ADGRV1: variants seen among roughly 807,000 people sequenced by gnomAD.
The protein encoded by ADGRV1 is adhesion G protein-coupled receptor V1, also known as G-protein coupled receptor 98.
ADGRV1 carries 359 observed loss-of-function variants against 596.2 expected under a neutral mutation model. The observed-to-expected ratio is 0.60, with a 90% CI of 0.55 to 0.66. The LOEUF (loss-of-function observed/expected upper bound fraction) is 0.66. ADGRV1 is among the 30% of genes least tolerant of loss of function. The pLI is 0.00. For synonymous variants in ADGRV1, 2,681 were observed against 2,679.2 expected, an observed-to-expected ratio of 1.00 and a Z score of -0.02; for missense variants, 7,274 against 7,575.6, an observed-to-expected ratio of 0.96 and a Z score of 1.48.
chr5:90,772,995 C>A (rs1488921325), intron 59 of ADGRV1, among the ~76,000 whole-genome samples: 6 of 152,032 alleles, frequency 3.9e-5, no homozygotes, highest in Non-Finnish European at 5.9e-5. Flanking sequence ...TGGCAAACCC[C>A]CGTCTCTACT....
intron 13 of ADGRV1, 102 bp from the exon 14 acceptor site, chr5:90,643,701 T>A: frequency 1.2e-6 from 1 of 866,532 alleles, no homozygotes; most frequent in Non-Finnish European, 1.7e-6. Flanking sequence ...GTTATATGCT[T>A]CTGAAACTTT....
intron 77 of ADGRV1, among the ~76,000 whole-genome samples, chr5:90,839,032 T>G (rs931568350): frequency 6.6e-6 from 1 of 152,180 alleles, no homozygotes; most frequent in African/African-American, 2.4e-5. Context: ...AAAACCTCCA[T>G]GCTCATTCCC....
Position 90,683,747 on chromosome 5 carries a change from A to G in ADGRV1, c.5826A>G (p.Glu1942=). ...TVEILPDEDP[E]LDKAFSVSVL... is the part of the protein sequence containing the mutation. Reference sequence around the variant, plus strand: ...AGATATTGCCTGACGAAGACCCAGAACTGGATAAGGCATTCTCTGTGTCAG... The same window carrying G: ...AGATATTGCCTGACGAAGACCCAGAGCTGGATAAGGCATTCTCTGTGTCAG... The change falls in exon 28 of 90, where the codon GAA becomes GAG. Residue 1942 remains glutamate (E), a synonymous_variant. Coordinates refer to ENST00000405460, the MANE Select transcript of ADGRV1 (RefSeq NM_032119.4). 1 of 1,613,850 alleles carries G rather than the reference A, an allele frequency of 6.2e-7. No homozygotes were observed. Among genetic ancestry groups the G allele is most frequent in the East Asian group, 2.2e-5 (1 of 44,846 alleles).
At chr5:91,144,949 G>C (rs1795407905) in intron 87 of ADGRV1, among the ~76,000 whole-genome samples, 1 of 152,200 alleles carries the variant, frequency 6.6e-6, no homozygotes, top group African/African-American at 2.4e-5. Context: ...ATACAAAAGG[G>C]AGCCTGAGAT....
chr5:90,744,467 A>G (rs1317669659), intron 50 of ADGRV1, among the ~76,000 whole-genome samples: 11 of 152,206 alleles, frequency 7.2e-5, no homozygotes, highest in Non-Finnish European at 1.5e-4. Flanking sequence ...TTAAATATAC[A>G]ATAACAAATA....
At chr5:90,962,508 C>T (rs1778122956) in intron 83 of ADGRV1, among the ~76,000 whole-genome samples, 1 of 152,102 alleles carries the variant, frequency 6.6e-6, no homozygotes, top group Non-Finnish European at 1.5e-5. Flanking sequence ...GTTATGTAGC[C>T]TTAAAAATGA....
At chr5:91,112,512 T>C (rs1338253420) in intron 87 of ADGRV1, among the ~76,000 whole-genome samples, 1 of 152,200 alleles carries the variant, frequency 6.6e-6, no homozygotes, top group African/African-American at 2.4e-5. Flanking sequence ...CTAAACAAGA[T>C]GCGTACGTCC....
At chr5:91,122,769 A>G (rs544946877) in intron 87 of ADGRV1, among the ~76,000 whole-genome samples, 27 of 152,270 alleles carry the variant, frequency 1.8e-4, no homozygotes, top group African/African-American at 6.0e-4. Context: ...CTCTGCACCC[A>G]ACTGCCAATG....
At position 90,732,641 on chromosome 5, in the gene ADGRV1, G is replaced by C. The variant is rs6894859; in HGVS notation, c.10549+2877G>C. Among the ~76,000 whole-genome samples, 320 of 152,266 alleles carry C rather than the reference G, an allele frequency of 2.1e-3. 1 individual carries two copies. The highest frequency in any genetic ancestry group is 7.2e-3 in the African/African-American group (301 of 41,544). On this transcript the variant is annotated intron_variant, in intron 50 of 89. Transcript: ENST00000405460. Reference sequence around the variant, plus strand: ...CACGCCCTGGCCCCTGGCAAGCACAGTTCTACAATTTGCTTTTTTGAGTTT... The same window carrying C: ...CACGCCCTGGCCCCTGGCAAGCACACTTCTACAATTTGCTTTTTTGAGTTT...
At chr5:90,889,549 C>T (rs1770613406) in intron 83 of ADGRV1, among the ~76,000 whole-genome samples, 1 of 152,064 alleles carries the variant, frequency 6.6e-6, no homozygotes, top group Non-Finnish European at 1.5e-5. Context: ...AAGAGGGAAA[C>T]TTCTGGTGAA....
intron 75 of ADGRV1, among the ~76,000 whole-genome samples, chr5:90,820,344 C>T (rs1388863299): frequency 6.2e-5 from 9 of 145,540 alleles, no homozygotes; most frequent in Non-Finnish European, 1.1e-4. Context: ...GAATACAGCA[C>T]ACTGATGGGT....
At chr5:90,651,131 A>G (rs1768554417) in intron 17 of ADGRV1, among the ~76,000 whole-genome samples, 1 of 152,208 alleles carries the variant, frequency 6.6e-6, no homozygotes, top group African/African-American at 2.4e-5. Flanking sequence ...GTAAAGGGAA[A>G]CACTCAAGCC....
intron 85 of ADGRV1, among the ~76,000 whole-genome samples, chr5:91,012,398 T>C (rs1167018030): frequency 1.3e-5 from 2 of 152,026 alleles, no homozygotes; most frequent in African/African-American, 4.8e-5. Context: ...TATAATCTAT[T>C]AAAATCATAT....
chr5:91,105,222 C>T (rs1267855923), intron 87 of ADGRV1, among the ~76,000 whole-genome samples: 1 of 152,200 alleles, frequency 6.6e-6, no homozygotes, highest in African/African-American at 2.4e-5. Context: ...TACCATTTTC[C>T]CTGTCCATTC....
chr5:90,562,068 A>G (rs1011687970), intron 1 of ADGRV1, among the ~76,000 whole-genome samples: 6 of 152,192 alleles, frequency 3.9e-5, no homozygotes, highest in African/African-American at 1.4e-4. Flanking sequence ...CCAGCCAGAG[A>G]GGTCTTTCTT....
intron 1 of ADGRV1, among the ~76,000 whole-genome samples, chr5:90,590,277 G>A (rs1759308875): frequency 6.6e-6 from 1 of 152,146 alleles, no homozygotes; most frequent in African/African-American, 2.4e-5. Flanking sequence ...GACTTAGCTG[G>A]GCTCTTCTTC....
chr5:90,888,427 A>C (rs959088499), intron 83 of ADGRV1, among the ~76,000 whole-genome samples: 1 of 152,192 alleles, frequency 6.6e-6, no homozygotes, highest in Non-Finnish European at 1.5e-5. Context: ...TGTATTAAAA[A>C]TTGGTAACTA....
chr5:90,814,612 A>G (rs940862170), intron 74 of ADGRV1, among the ~76,000 whole-genome samples: 6 of 151,894 alleles, frequency 4.0e-5, no homozygotes, highest in African/African-American at 1.5e-4. Flanking sequence ...TAAAAGTAGC[A>G]CTTCCTTTGC....
At chr5:90,786,503 T>G (rs1297299540) in intron 67 of ADGRV1, among the ~76,000 whole-genome samples, 1 of 152,112 alleles carries the variant, frequency 6.6e-6, no homozygotes, top group Non-Finnish European at 1.5e-5. Context: ...CTCATTTAAG[T>G]CTAGTGCAAG....
Sources: gnomAD v4.1 joint callset for allele counts (sites outside exome capture counted in the v4.1 genomes callset) on GRCh38, gnomAD v4.1.1 for gene constraint, MANE v1.5 for transcripts, NCBI Gene and HGNC (gene_info 2026-07-23, HGNC 2026-07-21) for gene names.